The following NECTIN1 variants were observed in gnomAD, a reference collection of about 807,000 sequenced individuals.
The protein encoded by NECTIN1 is nectin cell adhesion molecule 1.
A neutral mutation model predicts 48.0 loss-of-function variants in NECTIN1; 23 were observed. The observed-to-expected ratio is 0.48, with a 90% confidence interval of 0.34 to 0.68. The LOEUF is 0.68. Ranked by LOEUF, NECTIN1 falls within the 30% of genes least tolerant of loss-of-function variation. The pLI, the probability that NECTIN1 is intolerant of heterozygous loss-of-function variation, is 0.01. For missense variants in NECTIN1, 591 were observed against 709.9 expected, an observed-to-expected ratio of 0.83 and a Z score of 1.90; for synonymous variants, 270 against 288.9, an observed-to-expected ratio of 0.93 and a Z score of 0.66.
chr11:119,671,297 T>C (rs1864858595), intron 5 of NECTIN1, among the ~76,000 whole-genome samples: 2 of 151,314 alleles, frequency 1.3e-5, no homozygotes. Flanking sequence ...GGCCGCAGGG[T>C]CATTTGTGTT....
chr11:119,656,612 G>A (rs1222701821), downstream of NECTIN1, among the ~76,000 whole-genome samples: 1 of 152,112 alleles, frequency 6.6e-6, no homozygotes, highest in Non-Finnish European at 1.5e-5. Context: ...AGGTCAGGCT[G>A]GGGGACCCTG....
At chr11:119,696,631 G>C (rs1461808051) in intron 1 of NECTIN1, among the ~76,000 whole-genome samples, 1 of 152,196 alleles carries the variant, frequency 6.6e-6, no homozygotes, top group East Asian at 1.9e-4. Flanking sequence ...TTGGGGGCAA[G>C]AGAAAGGGGC....
chr11:119,714,804 G>T (rs1004339449), intron 1 of NECTIN1, among the ~76,000 whole-genome samples: 4 of 152,136 alleles, frequency 2.6e-5, no homozygotes, highest in Non-Finnish European at 4.4e-5. Context: ...AGCTTGGAGG[G>T]CCCACCCACA....
intron 1 of NECTIN1, among the ~76,000 whole-genome samples, chr11:119,716,863 C>T (rs1865751163): frequency 1.3e-5 from 2 of 152,234 alleles, no homozygotes; most frequent in Admixed American, 6.5e-5. Context: ...CGCGCGCACG[C>T]ACGCACGCAC....
chr11:119,727,808 A>G lies in NECTIN1; in HGVS notation c.79+667T>C, dbSNP rs2134352141. ...AGCCCGCGGTGTCTCCTCCAGGGAG[A>G]GCCCCCAGAGCTGGGAGCAGAGTTC... On this transcript the variant is annotated intron_variant, in intron 1 of 5. Transcript: ENST00000264025. This position sits in a 1 kb window ranked among gnomAD's most constrained non-coding sequence, Gnocchi z 4.1. Among the ~76,000 whole-genome samples, 1 of 152,218 alleles carries G rather than the reference A, an allele frequency of 6.6e-6. No homozygotes were observed. Among genetic ancestry groups the G allele is most frequent in the African/African-American group, 2.4e-5 (1 of 41,544 alleles).
chr11:119,727,646 C>G lies in NECTIN1; in HGVS notation c.79+829G>C, dbSNP rs1208794895. 5.3e-5 allele frequency among the ~76,000 whole-genome samples: 8 copies of G among 152,208 alleles called. No homozygotes were observed. Among genetic ancestry groups the G allele is most frequent in the African/African-American group, 1.7e-4 (7 of 41,464 alleles). The stretch of plus-strand genomic sequence containing the variant: ...TCCCAGCCTCCGTCCCCACCCCACC[C>G]GTCAGAATGGGCCACCAGGGCCACC... On this transcript the variant is annotated intron_variant, in intron 1 of 5. Coordinates refer to ENST00000264025, the MANE Select transcript of NECTIN1 (RefSeq NM_002855.5). This position sits in a 1 kb window ranked among gnomAD's most constrained non-coding sequence, Gnocchi z 4.1.
intron 1 of NECTIN1, among the ~76,000 whole-genome samples, chr11:119,707,513 T>C (rs555601169): frequency 6.6e-6 from 1 of 151,648 alleles, no homozygotes; most frequent in Admixed American, 6.6e-5. Context: ...TCGAACAGGG[T>C]GAACAACACC....
chr11:119,669,962 C>T (rs75808995), intron 5 of NECTIN1, among the ~76,000 whole-genome samples: 1,719 of 144,404 alleles, frequency 0.012, 29 homozygotes, highest in African/African-American at 0.042. Context: ...AAAATTACTA[C>T]TTTTTTTTTT....
chr11:119,648,298 G>GTGGTGGTGATGGTGATGGTGGTGA, intron 5 of NECTIN1, among the ~76,000 whole-genome samples: 1 of 18,004 alleles, frequency 5.6e-5, no homozygotes, highest in East Asian at 2.5e-3. Flanking sequence ...GATGGTGGTG[G>GTGGTGGTGATGGTGATGGTGGTGA]TGGTGGTGAT....
chr11:119,677,729 T>C lies in NECTIN1; in HGVS notation c.559A>G (p.Thr187Ala), dbSNP rs780356520. 1 of 1,614,040 alleles carries C rather than the reference T, an allele frequency of 6.2e-7. No individual in the cohort carries two copies. The highest frequency in any genetic ancestry group is 1.3e-5 in the African/African-American group (1 of 75,002). The change falls in exon 3 of 6, where the codon ACT becomes GCT. Residue 187 changes from threonine (T) to alanine (A), a missense_variant. Thr to Ala is a moderately conservative substitution (Grantham distance 58). Transcript: ENST00000264025. The surrounding 1 kb of genome is among the most constrained non-coding windows in gnomAD (Gnocchi z 5.4). The part of the protein sequence containing the change: ...GKPPSVVSWE[T>A]RLKGEAEYQE... ...TACTCTGCCTCACCTTTTAACCGAG[T>C]TTCCCAGGATACCACACTGGGAGGC...
intron 5 of NECTIN1, 71 bp downstream of exon 5, chr11:119,675,088 C>A: frequency 6.4e-7 from 1 of 1,562,332 alleles, no homozygotes; most frequent in South Asian, 1.1e-5. Flanking sequence ...TGGCATTGCT[C>A]AAAGGTGAGG....
downstream of NECTIN1, among the ~76,000 whole-genome samples, chr11:119,659,608 A>G (rs1864627772): frequency 6.6e-6 from 1 of 152,190 alleles, no homozygotes; most frequent in African/African-American, 2.4e-5. Flanking sequence ...GACTCCCAGT[A>G]TCCTTTGGGC....
At chr11:119,681,786 C>T (rs1328717758) in intron 1 of NECTIN1, among the ~76,000 whole-genome samples, 1 of 152,196 alleles carries the variant, frequency 6.6e-6, no homozygotes, top group Non-Finnish European at 1.5e-5. Flanking sequence ...TTACTGGGCA[C>T]CAAGTGGGTG....
In NECTIN1 at chr11:119,677,615, C is replaced by A. The variant is rs759436378; in HGVS notation, c.673G>T (p.Ala225Ser). Reference protein sequence around the residue: ...PSREAHQQSLACIVNYHMDRF... With the variant: ...PSREAHQQSLSCIVNYHMDRF... ...TCCATGTGGTAGTTGACGATGCAGG[C>A]CAAGGACTGCTGGTGGGCTTCCCTG... The change falls in exon 3 of 6, where the codon GCC becomes TCC. Residue 225 changes from alanine (A) to serine (S), a missense_variant. By Grantham distance (99) the Ala-to-Ser change is moderately conservative. Coordinates refer to ENST00000264025, the MANE Select transcript of NECTIN1 (RefSeq NM_002855.5). This position sits in a 1 kb window ranked among gnomAD's most constrained non-coding sequence, Gnocchi z 5.4. 5 of 1,613,578 alleles carry A rather than the reference C, an allele frequency of 3.1e-6. No individual in the cohort carries two copies. In the Admixed American group the frequency reaches 8.3e-5, roughly 27 times the overall value.
chr11:119,648,956 A>AAC, intron 5 of NECTIN1, among the ~76,000 whole-genome samples: 1 of 152,326 alleles, frequency 6.6e-6, no homozygotes, highest in East Asian at 1.9e-4. Context: ...CATGGGTGGC[A>AAC]ACAGCACTAG....
intron 5 of NECTIN1, among the ~76,000 whole-genome samples, chr11:119,667,576 G>A (rs1864795639): frequency 6.6e-6 from 1 of 152,212 alleles, no homozygotes; most frequent in Non-Finnish European, 1.5e-5. Context: ...GGAGGATAAG[G>A]AAGCATCCAG....
intron 1 of NECTIN1, among the ~76,000 whole-genome samples, chr11:119,720,407 T>A (rs1052421574): frequency 1.3e-5 from 2 of 152,244 alleles, no homozygotes; most frequent in South Asian, 2.1e-4. Context: ...TCAGTCCCCC[T>A]TCCTCCACAG....
At chr11:119,724,249 C>A (rs1472646227) in intron 1 of NECTIN1, among the ~76,000 whole-genome samples, 1 of 152,178 alleles carries the variant, frequency 6.6e-6, no homozygotes, top group Non-Finnish European at 1.5e-5. Context: ...CTCCCTTTGC[C>A]CCTCCCAGCC....
chr11:119,651,274 T>C (rs1025164996), intron 5 of NECTIN1, among the ~76,000 whole-genome samples: 2 of 152,174 alleles, frequency 1.3e-5, no homozygotes, highest in African/African-American at 4.8e-5. Context: ...ACCAGCCAGC[T>C]GGGGGCTCCA....
Sources: gnomAD v4.1 joint callset for allele counts (sites outside exome capture counted in the v4.1 genomes callset) on GRCh38, gnomAD v4.1.1 for gene constraint, Gnocchi (gnomAD v3.1) non-coding constraint, MANE v1.5 for transcripts, NCBI Gene and HGNC (gene_info 2026-07-23, HGNC 2026-07-21) for gene names.